Variants in LIMD1 observed in about 807,000 individuals in gnomAD.
The protein encoded by LIMD1 is LIM domain containing 1.
In LIMD1, 23 loss-of-function variants were observed where a neutral mutation model predicts 58.4. The observed-to-expected ratio is 0.39, with a 90% CI of 0.28 to 0.56. LIMD1 has a LOEUF of 0.56. Ranked by LOEUF, LIMD1 falls within the 20% of genes least tolerant of loss-of-function variation. The probability of loss-of-function intolerance (pLI) is 0.57; values close to 1 mark genes in which losing one functional copy is unlikely to be tolerated. For missense variants in LIMD1, 838 were observed against 855.5 expected (o/e 0.98, Z 0.25); for synonymous variants, 334 against 345.5 (o/e 0.97, Z 0.37).
At chr3:45,648,987 G>T (rs1476938059) in intron 2 of LIMD1, among the ~76,000 whole-genome samples, 1 of 152,118 alleles carries the variant, frequency 6.6e-6, no homozygotes, top group Non-Finnish European at 1.5e-5. Context: ...TCATTCTGTG[G>T]ACTGTCATTT....
At chr3:45,639,242 C>G (rs926227956) in intron 2 of LIMD1, among the ~76,000 whole-genome samples, 16 of 152,174 alleles carry the variant, frequency 1.1e-4, no homozygotes, top group Admixed American at 4.6e-4. Flanking sequence ...TGACCTTTGA[C>G]TCCTACAACA....
intron 2 of LIMD1, among the ~76,000 whole-genome samples, chr3:45,663,932 A>T (rs1697477746): frequency 7.0e-6 from 1 of 141,846 alleles, no homozygotes; most frequent in Admixed American, 7.5e-5. Flanking sequence ...GTGCAGTGGC[A>T]TGATCTCGGC....
chr3:45,594,799 A>ACACACACACACACACACAC lies in LIMD1; in HGVS notation c.-80_-62dup, dbSNP rs1332017751. The ACACACACACACACACACAC allele has an allele frequency of 2.6e-3, 371 of 145,104 alleles. 2 individuals carry two copies. The East Asian group carries it at 0.035, about 14-fold the overall frequency. 9.0% of individuals were successfully genotyped at this position (145,104 alleles called of 1,614,324 possible). On this transcript the variant is annotated 5_prime_UTR_variant, in exon 1 of 8. Coordinates refer to ENST00000273317, the MANE Select transcript of LIMD1 (RefSeq NM_014240.3). Reference sequence around the variant, plus strand: ...CCTCAACACACACACACACACACACACACACACACACACACACACACACAC... The same window carrying ACACACACACACACACACAC: ...CCTCAACACACACACACACACACACACACACACACACACACACACCACACACACACACACACACACACAC...
intron 1 of LIMD1, among the ~76,000 whole-genome samples, chr3:45,607,425 T>C (rs1214065595): frequency 6.6e-6 from 1 of 152,054 alleles, no homozygotes; most frequent in African/African-American, 2.4e-5. Flanking sequence ...TCCTCATCTT[T>C]CTTGTTGTGT....
chr3:45,627,779 G>A (rs1380671469), intron 1 of LIMD1, among the ~76,000 whole-genome samples: 2 of 151,066 alleles, frequency 1.3e-5, no homozygotes, highest in South Asian at 4.2e-4. Flanking sequence ...AGGCCGAGGC[G>A]GGTGGATCAC....
chr3:45,671,692 T>C (rs1019192852), intron 4 of LIMD1, among the ~76,000 whole-genome samples: 17 of 152,216 alleles, frequency 1.1e-4, no homozygotes, highest in African/African-American at 3.9e-4. Flanking sequence ...TACCAACTGC[T>C]GGGCCTTACC....
intron 1 of LIMD1, among the ~76,000 whole-genome samples, chr3:45,631,988 G>C (rs1327138529): frequency 6.6e-6 from 1 of 152,212 alleles, no homozygotes; most frequent in African/African-American, 2.4e-5. Context: ...GAAAGGGTGG[G>C]CATGCCATGC....
chr3:45,610,985 A>G (rs1007913244), intron 1 of LIMD1, among the ~76,000 whole-genome samples: 7 of 152,340 alleles, frequency 4.6e-5, no homozygotes, highest in South Asian at 2.1e-4. Flanking sequence ...TTACTTCCTA[A>G]GTATGGATAC....
At chr3:45,656,801 C>G (rs1178347851) in intron 2 of LIMD1, among the ~76,000 whole-genome samples, 1 of 152,186 alleles carries the variant, frequency 6.6e-6, no homozygotes, top group Non-Finnish European at 1.5e-5. Flanking sequence ...CAGGCGTGAG[C>G]CACCACGCCC....
chr3:45,600,760 C>T (rs576338635), intron 1 of LIMD1, among the ~76,000 whole-genome samples: 26 of 152,298 alleles, frequency 1.7e-4, no homozygotes, highest in African/African-American at 5.5e-4. Context: ...CCTCTTCTCC[C>T]TTTCTAAGGA....
intron 2 of LIMD1, among the ~76,000 whole-genome samples, chr3:45,662,767 T>G (rs1575364498): frequency 6.6e-6 from 1 of 152,000 alleles, no homozygotes; most frequent in African/African-American, 2.4e-5. Context: ...GAGGCCGAGG[T>G]GGGTGGATCA....
rs1697542642 is a variant in LIMD1 at position 45,668,160 on chromosome 3, C to T, written c.1579-134C>T. The T allele has an allele frequency of 5.9e-6, 4 of 673,942 alleles. No homozygotes were observed. The South Asian group carries it at 6.9e-5, about 12-fold the overall frequency. The allele number at this position is 673,942 out of a possible 1,614,324, so 41.7% of individuals were successfully genotyped here. A position where few individuals can be genotyped will look rare whatever the true frequency, so the allele number is the denominator to read the frequency against. Reference sequence around the variant, plus strand: ...TGACTCAGCCCACAGCTGTGTTGTACTTGGGGATGACAGAATTCTGCACAG... The same window carrying T: ...TGACTCAGCCCACAGCTGTGTTGTATTTGGGGATGACAGAATTCTGCACAG... On this transcript the variant is annotated intron_variant, in intron 3 of 7. Coordinates refer to ENST00000273317, the MANE Select transcript of LIMD1 (RefSeq NM_014240.3).
In LIMD1 at chr3:45,686,307, C is replaced by T. The variant is rs1035677182; in HGVS notation, c.*9248C>T. Reference sequence around the variant, plus strand: ...TTTTGAGTGTTAGCCGTCTCTCGGTCGCTGGCTAATAAAGGACTCTTAATT... The same window carrying T: ...TTTTGAGTGTTAGCCGTCTCTCGGTTGCTGGCTAATAAAGGACTCTTAATT... On this transcript the variant is annotated 3_prime_UTR_variant, in exon 8 of 8. Coordinates refer to ENST00000273317, the MANE Select transcript of LIMD1 (RefSeq NM_014240.3). 6.6e-6 allele frequency: 1 copy of T among 151,642 alleles called. No individual in the cohort carries two copies. The highest frequency in any genetic ancestry group is 2.4e-5 in the African/African-American group (1 of 41,216). 9.4% of individuals were successfully genotyped at this position (151,642 alleles called of 1,614,324 possible). A position where few individuals can be genotyped will look rare whatever the true frequency, so the allele number is the denominator to read the frequency against.
intron 2 of LIMD1, among the ~76,000 whole-genome samples, chr3:45,642,680 G>C (rs1701856064): frequency 6.6e-6 from 1 of 152,184 alleles, no homozygotes; most frequent in Non-Finnish European, 1.5e-5. Context: ...GTTACATGGT[G>C]ATGGATGAGT....
At chr3:45,626,214 GT>G (rs1701667034) in intron 1 of LIMD1, among the ~76,000 whole-genome samples, 1 of 152,228 alleles carries the variant, frequency 6.6e-6, no homozygotes, top group African/African-American at 2.4e-5. Flanking sequence ...TATTCTTGTT[GT>G]ATAATCCAGC....
At chr3:45,663,275 A>G (rs547155826) in intron 2 of LIMD1, among the ~76,000 whole-genome samples, 1 of 152,108 alleles carries the variant, frequency 6.6e-6, no homozygotes, top group African/African-American at 2.4e-5. Flanking sequence ...ACATCCATAC[A>G]TGTCTGTCCT....
chr3:45,611,623 A>G (rs1175254308), intron 1 of LIMD1, among the ~76,000 whole-genome samples: 2 of 152,150 alleles, frequency 1.3e-5, no homozygotes, highest in East Asian at 1.9e-4. Flanking sequence ...TGTGTAGGCT[A>G]TGGAGCCCTT....
chr3:45,674,657 C>T, intron 7 of LIMD1: 2 of 433,364 alleles, frequency 4.6e-6, no homozygotes, highest in Non-Finnish European at 4.2e-6. Context: ...TGGAGCTGCT[C>T]TCCCTGAAGC....
At chr3:45,673,528 C>T (rs1697621656) in intron 6 of LIMD1, 23 bp downstream of exon 6, 2 of 1,585,412 alleles carry the variant, frequency 1.3e-6, no homozygotes, top group South Asian at 1.1e-5. Flanking sequence ...TCCAGACATG[C>T]TCCCAGGGGC....
Sources: allele counts gnomAD v4.1 joint callset (sites outside exome capture counted in the v4.1 genomes callset), GRCh38; gene constraint gnomAD v4.1.1; transcripts MANE v1.5; gene names NCBI Gene and HGNC (gene_info 2026-07-23, HGNC 2026-07-21).